The following SHISA9 variants were observed in gnomAD, a reference collection of about 807,000 sequenced individuals.
SHISA9 encodes shisa family member 9, also known as protein shisa-9.
In SHISA9, 13 loss-of-function variants were observed where a neutral mutation model predicts 38.0. The ratio of observed to expected loss-of-function variants is 0.34; its 90% confidence interval spans 0.22 to 0.54. SHISA9 has a LOEUF of 0.54. SHISA9 is among the 20% of genes least tolerant of loss of function. The pLI is 0.91. For missense variants in SHISA9, 538 were observed against 575.8 expected (o/e 0.93, Z 0.67); for synonymous variants, 275 against 242.0 (o/e 1.14, Z -1.27).
the SHISA9 span, among the ~76,000 whole-genome samples, chr16:13,274,474 C>T: frequency 6.6e-6 from 1 of 152,126 alleles, no homozygotes; most frequent in Non-Finnish European, 1.5e-5. Flanking sequence ...GAAGAGGTCA[C>T]CCACTCCTAT....
the SHISA9 span, among the ~76,000 whole-genome samples, chr16:13,535,203 G>T: frequency 7.2e-4 from 109 of 152,226 alleles, no homozygotes; most frequent in African/African-American, 2.4e-3. Flanking sequence ...CTTAGATTGT[G>T]CCACTGCACT....
chr16:13,319,831 C>T, the SHISA9 span, among the ~76,000 whole-genome samples: 82 of 149,118 alleles, frequency 5.5e-4, 2 homozygotes, highest in African/African-American at 1.9e-3. Flanking sequence ...GGCCAAGGAA[C>T]AGAACGCATG....
At chr16:13,506,570 G>A in the SHISA9 span, among the ~76,000 whole-genome samples, 1 of 152,262 alleles carries the variant, frequency 6.6e-6, no homozygotes, top group Admixed American at 6.5e-5. Context: ...GGATATCCAG[G>A]AAGAGGGAGC....
the SHISA9 span, among the ~76,000 whole-genome samples, chr16:13,261,229 T>TG: frequency 6.6e-6 from 1 of 152,078 alleles, no homozygotes; most frequent in Non-Finnish European, 1.5e-5. Flanking sequence ...ACATACTCTG[T>TG]GATTGGGAAT....
intron 2 of SHISA9, among the ~76,000 whole-genome samples, chr16:13,084,300 A>G (rs2073686925): frequency 1.3e-5 from 2 of 152,100 alleles, no homozygotes; most frequent in Non-Finnish European, 2.9e-5. Context: ...GAAAACAGGC[A>G]ATGAAGGGAG....
the SHISA9 span, among the ~76,000 whole-genome samples, chr16:13,394,019 T>C: frequency 0.013 from 1,914 of 152,326 alleles, 48 homozygotes; most frequent in African/African-American, 0.043. Context: ...TCCCACCCCA[T>C]TGACACTGGG....
At chr16:13,439,285 G>T in the SHISA9 span, among the ~76,000 whole-genome samples, 1 of 152,080 alleles carries the variant, frequency 6.6e-6, no homozygotes, top group African/African-American at 2.4e-5. Context: ...AGATGATTAT[G>T]TTCCCAGTCT....
At chr16:13,389,224 A>G in the SHISA9 span, among the ~76,000 whole-genome samples, 1 of 152,004 alleles carries the variant, frequency 6.6e-6, no homozygotes, top group Non-Finnish European at 1.5e-5. Context: ...CCACTTATTC[A>G]TCCCTCCCTC....
chr16:13,099,444 G>T (rs1178041424), intron 2 of SHISA9, among the ~76,000 whole-genome samples: 2 of 152,144 alleles, frequency 1.3e-5, no homozygotes, highest in East Asian at 3.8e-4. Context: ...CTGGGGAGAG[G>T]GTAGAATTGT....
At chr16:13,346,468 C>A in the SHISA9 span, among the ~76,000 whole-genome samples, 6 of 152,224 alleles carry the variant, frequency 3.9e-5, no homozygotes, top group Admixed American at 3.3e-4. Flanking sequence ...TTAAATGTAC[C>A]AATTTTTGAC....
At chr16:13,342,992 G>A in the SHISA9 span, among the ~76,000 whole-genome samples, 1 of 152,178 alleles carries the variant, frequency 6.6e-6, no homozygotes, top group Non-Finnish European at 1.5e-5. Flanking sequence ...CCAAACTAAT[G>A]AGTCTGTTGT....
chr16:12,941,923 T>C (rs1294243422), intron 2 of SHISA9, among the ~76,000 whole-genome samples: 3 of 152,230 alleles, frequency 2.0e-5, no homozygotes, highest in Non-Finnish European at 4.4e-5. Context: ...CTAGGTCTTA[T>C]TTAAACCTTA....
At chr16:13,249,910 T>G in the SHISA9 span, among the ~76,000 whole-genome samples, 1 of 152,098 alleles carries the variant, frequency 6.6e-6, no homozygotes, top group African/African-American at 2.4e-5. Flanking sequence ...TTTTTAAATT[T>G]TTTTGTAGAG....
the SHISA9 span, among the ~76,000 whole-genome samples, chr16:13,508,509 T>A: frequency 6.6e-6 from 1 of 152,202 alleles, no homozygotes; most frequent in African/African-American, 2.4e-5. Context: ...TTTTTATGCA[T>A]GTTGTTAAAT....
chr16:13,289,917 G>C, the SHISA9 span, among the ~76,000 whole-genome samples: 3 of 152,208 alleles, frequency 2.0e-5, no homozygotes, highest in Non-Finnish European at 4.4e-5. Flanking sequence ...GACTAACACT[G>C]ACATCACTAG....
At chr16:12,972,209 TA>T (rs1416952563) in intron 2 of SHISA9, among the ~76,000 whole-genome samples, 9 of 152,148 alleles carry the variant, frequency 5.9e-5, no homozygotes, top group African/African-American at 2.2e-4. Flanking sequence ...TGTCATATAT[TA>T]GCAAGAGTGA....
At chr16:13,225,007 G>T (rs887926925) in intron 4 of SHISA9, among the ~76,000 whole-genome samples, 1 of 152,146 alleles carries the variant, frequency 6.6e-6, no homozygotes, top group South Asian at 2.1e-4. Context: ...CTTTGCAGAG[G>T]TCATTGAGTT....
chr16:13,145,544 A>ACAAC (rs1394492022), intron 2 of SHISA9, among the ~76,000 whole-genome samples: 1 of 152,002 alleles, frequency 6.6e-6, no homozygotes, highest in Non-Finnish European at 1.5e-5. Context: ...AACAACAACA[A>ACAAC]AAAAAGGTAG....
chr16:12,919,524 A>G (rs1342179376), intron 2 of SHISA9, among the ~76,000 whole-genome samples: 2 of 152,176 alleles, frequency 1.3e-5, no homozygotes, highest in African/African-American at 2.4e-5. Context: ...CTCTCTTCTT[A>G]TCTTAATATT....
Sources: allele counts gnomAD v4.1 joint callset (sites outside exome capture counted in the v4.1 genomes callset), GRCh38; gene constraint gnomAD v4.1.1; transcripts MANE v1.5; gene names NCBI Gene and HGNC (gene_info 2026-07-23, HGNC 2026-07-21).